The following CFAP54 variants were observed in gnomAD, a reference collection of about 807,000 sequenced individuals.
CFAP54 encodes cilia- and flagella-associated protein 54.
In CFAP54, 290 loss-of-function variants were observed where a neutral mutation model predicts 370.4. The observed-to-expected ratio is 0.78, with a 90% confidence interval of 0.71 to 0.86. The LOEUF (loss-of-function observed/expected upper bound fraction) is 0.86, where lower values mean the gene tolerates loss of function less well. Ranked by LOEUF, CFAP54 falls within the 40% of genes least tolerant of loss-of-function variation. CFAP54 has a pLI of 0.00. For synonymous variants in CFAP54, 1,206 were observed against 1,236.5 expected (o/e 0.98, Z 0.52); for missense variants, 3,399 against 3,528.7 (o/e 0.96, Z 0.93).
chr12:96,716,483 C>T (rs1336912492), intron 48 of CFAP54, among the ~76,000 whole-genome samples: 1 of 152,216 alleles, frequency 6.6e-6, no homozygotes. Context: ...CATGCTTGCT[C>T]CTAGCAGTTC....
chr12:96,774,325 C>T (rs1249732156), intron 60 of CFAP54, among the ~76,000 whole-genome samples: 2 of 152,018 alleles, frequency 1.3e-5, no homozygotes, highest in African/African-American at 4.8e-5. Context: ...AATTATTAAT[C>T]TTTTTGATAG....
At chr12:96,565,766 A>G (rs1955860241) in intron 19 of CFAP54, among the ~76,000 whole-genome samples, 1 of 152,182 alleles carries the variant, frequency 6.6e-6, no homozygotes, top group Non-Finnish European at 1.5e-5. Flanking sequence ...AGGAACAGAC[A>G]GATGTAGATA....
intron 50 of CFAP54, among the ~76,000 whole-genome samples, chr12:96,729,238 G>A (rs1386828061): frequency 6.6e-6 from 1 of 152,198 alleles, no homozygotes; most frequent in Non-Finnish European, 1.5e-5. Flanking sequence ...TAAGTCTGCA[G>A]AGGTTACTGC....
At chr12:96,520,008 A>G (rs138841119) in intron 6 of CFAP54, among the ~76,000 whole-genome samples, 1 of 152,206 alleles carries the variant, frequency 6.6e-6, no homozygotes, top group African/African-American at 2.4e-5. Context: ...ACCATTTAGT[A>G]CACTTTGTTT....
At chr12:96,825,917 T>C (rs1438938559) in intron 65 of CFAP54, among the ~76,000 whole-genome samples, 1 of 139,558 alleles carries the variant, frequency 7.2e-6, no homozygotes, top group East Asian at 2.0e-4. Context: ...CAGAATATAT[T>C]CATATATAAA....
intron 4 of CFAP54, among the ~76,000 whole-genome samples, chr12:96,510,624 G>T (rs544871460): frequency 6.6e-6 from 1 of 152,074 alleles, no homozygotes; most frequent in Non-Finnish European, 1.5e-5. Flanking sequence ...TTTTTACTTG[G>T]TGACTATTTT....
At position 96,554,396 on chromosome 12, in the gene CFAP54, A is replaced by G. The variant is rs567067138; in HGVS notation, c.2283+86A>G. ...CTTGAAAGTAGGTAAGTAAAGCATG[A>G]CTTGTGTTGGCTTACCTCTCATAGG... On this transcript the variant is annotated intron_variant, in intron 16 of 67. Transcript: ENST00000524981. 1.9e-5 allele frequency: 26 copies of G among 1,402,070 alleles called. No homozygotes were observed. In the African/African-American group the frequency reaches 2.9e-4, roughly 16 times the overall value. The allele number at this position is 1,402,070 out of a possible 1,614,324, so 86.9% of individuals were successfully genotyped here. A position where few individuals can be genotyped will look rare whatever the true frequency, so the allele number is the denominator to read the frequency against.
chr12:96,809,064 T>G (rs1402387822), intron 63 of CFAP54, among the ~76,000 whole-genome samples: 1 of 152,232 alleles, frequency 6.6e-6, no homozygotes, highest in Non-Finnish European at 1.5e-5. Context: ...TGTTGAGAAG[T>G]CTGATCCCAT....
chr12:96,579,696 A>G (rs11108589), intron 20 of CFAP54, among the ~76,000 whole-genome samples: 2,750 of 152,176 alleles, frequency 0.018, 46 homozygotes, highest in African/African-American at 0.042. Context: ...TCATAATACT[A>G]CCCCGTCAGG....
At chr12:96,613,648 A>G (rs149927145) in intron 26 of CFAP54, among the ~76,000 whole-genome samples, 1 of 152,194 alleles carries the variant, frequency 6.6e-6, no homozygotes, top group Non-Finnish European at 1.5e-5. Flanking sequence ...GAAAAGAGAC[A>G]AGAAGCAAAT....
rs573494352 is a variant in CFAP54 at position 96,538,756 on chromosome 12, C to T, written c.1926+238C>T. The T allele has an allele frequency of 1.7e-4, 76 of 442,984 alleles. 1 individual carries two copies. Among genetic ancestry groups the T allele is most frequent in the African/African-American group, 1.5e-3 (75 of 49,840 alleles). 27.4% of individuals were successfully genotyped at this position (442,984 alleles called of 1,614,324 possible). A position where few individuals can be genotyped will look rare whatever the true frequency, so the allele number is the denominator to read the frequency against. ...GTGAGGAGCGAAGAGGTGTTTCAGG[C>T]CTTTTTTTTTTTGGCAGAGTCTTGC... On this transcript the variant is annotated intron_variant, in intron 13 of 67. Coordinates refer to ENST00000524981, the MANE Select transcript of CFAP54 (RefSeq NM_001306084.2).
intron 66 of CFAP54, among the ~76,000 whole-genome samples, chr12:96,831,871 T>G (rs1304711097): frequency 6.6e-6 from 1 of 152,226 alleles, no homozygotes; most frequent in Non-Finnish European, 1.5e-5. Context: ...TTTTCCCACT[T>G]TTTAAACAGG....
At chr12:96,758,294 G>A (rs938220623) in intron 58 of CFAP54, among the ~76,000 whole-genome samples, 31 of 152,250 alleles carry the variant, frequency 2.0e-4, no homozygotes, top group Non-Finnish European at 2.2e-4. Context: ...TAATTATAAA[G>A]GAAAGAGATT....
intron 39 of CFAP54, among the ~76,000 whole-genome samples, chr12:96,669,143 C>T (rs892883750): frequency 3.9e-5 from 6 of 152,160 alleles, no homozygotes; most frequent in African/African-American, 1.4e-4. Context: ...TTTTGTGAGA[C>T]TGCAAGAAAT....
chr12:96,731,135 A>G (rs1394594288), intron 50 of CFAP54, among the ~76,000 whole-genome samples: 3 of 152,232 alleles, frequency 2.0e-5, no homozygotes, highest in African/African-American at 4.8e-5. Context: ...GCGCCTCACC[A>G]TGAATCAAAG....
intron 39 of CFAP54, among the ~76,000 whole-genome samples, chr12:96,673,107 A>G (rs1013344164): frequency 1.3e-5 from 2 of 152,194 alleles, no homozygotes; most frequent in Non-Finnish European, 2.9e-5. Flanking sequence ...GAATAGATAA[A>G]ATTTTCTAAA....
At chr12:96,865,324 A>G (rs185836790) in intron 67 of CFAP54, among the ~76,000 whole-genome samples, 97 of 152,354 alleles carry the variant, frequency 6.4e-4, no homozygotes, top group African/African-American at 2.2e-3. Flanking sequence ...ATATATATCA[A>G]TCTGGATTCA....
intron 56 of CFAP54, among the ~76,000 whole-genome samples, chr12:96,754,645 C>T (rs1395335853): frequency 2.6e-5 from 4 of 152,138 alleles, no homozygotes; most frequent in Non-Finnish European, 5.9e-5. Context: ...CAGCTCTGTG[C>T]CCTTTCCACA....
In CFAP54 at chr12:96,564,750, A is replaced by G. The variant is rs534383757; in HGVS notation, c.2604A>G (p.Ser868=). The G allele has an allele frequency of 1.6e-6, 1 of 619,112 alleles. No individual in the cohort carries two copies. The highest frequency in any genetic ancestry group is 1.9e-5 in the African/African-American group (1 of 53,130). 38.4% of individuals were successfully genotyped at this position (619,112 alleles called of 1,614,324 possible). Residue 868 remains serine (S), a synonymous_variant, in exon 19 of 68, where the codon TCA becomes TCG. Coordinates refer to ENST00000524981, the MANE Select transcript of CFAP54 (RefSeq NM_001306084.2). ...IFEKDATSTS[S]WELLMEAYSL... ...AGAAAGATGCAACTTCTACATCTTC[A>G]TGGGAACTTTTGATGGTAACAGTAT...
Sources: allele counts gnomAD v4.1 joint callset (sites outside exome capture counted in the v4.1 genomes callset), GRCh38; gene constraint gnomAD v4.1.1; transcripts MANE v1.5; gene names NCBI Gene and HGNC (gene_info 2026-07-23, HGNC 2026-07-21).